Variants in PTBP3 observed in about 807,000 individuals in gnomAD.
PTBP3 encodes polypyrimidine tract-binding protein 3.
A neutral mutation model predicts 58.7 loss-of-function variants in PTBP3; 20 were observed. That is an observed-to-expected ratio of 0.34 (90% CI 0.24 to 0.50). The LOEUF is 0.50. PTBP3 is among the 20% of genes least tolerant of loss of function. PTBP3 has a pLI of 0.98. For synonymous variants in PTBP3, 185 were observed against 219.8 expected, an observed-to-expected ratio of 0.84 and a Z score of 1.40; for missense variants, 509 against 637.2, an observed-to-expected ratio of 0.80 and a Z score of 2.17.
chr9:112,320,682 A>C (rs542577337), intron 1 of PTBP3, among the ~76,000 whole-genome samples: 2 of 152,196 alleles, frequency 1.3e-5, no homozygotes, highest in African/African-American at 2.4e-5. Flanking sequence ...TGATATTAAC[A>C]TAAGAATGGA....
chr9:112,262,717 A>G, intron 4 of PTBP3, 118 bp from the exon 5 acceptor site: 1 of 898,944 alleles, frequency 1.1e-6, no homozygotes, highest in Non-Finnish European at 1.5e-6. Flanking sequence ...AGATTTATCT[A>G]CTCCGTCTGG....
intron 11 of PTBP3, 40 bp downstream of exon 11, chr9:112,228,340 C>A: frequency 1.4e-6 from 2 of 1,432,462 alleles, no homozygotes; most frequent in Non-Finnish European, 1.9e-6. Context: ...ACAAAAGGGG[C>A]AAGTTCACAT....
chr9:112,294,966 T>C (rs757026794), intron 2 of PTBP3, among the ~76,000 whole-genome samples: 1 of 152,106 alleles, frequency 6.6e-6, no homozygotes, highest in Admixed American at 6.5e-5. Flanking sequence ...AAGAAGTTAA[T>C]CTCAGGCTCA....
chr9:112,322,826 A>G lies in PTBP3; in HGVS notation c.-52+10644T>C, dbSNP rs148078514. On this transcript the variant is annotated intron_variant, in intron 1 of 13. Coordinates refer to ENST00000374257, the MANE Select transcript of PTBP3 (RefSeq NM_001163788.4). ...TCCACCTTTGTGTAATAAGATGGTG[A>G]GTTGTTTTTCAGTTGCTATGGACCC... 1.5e-3 allele frequency among the ~76,000 whole-genome samples: 227 copies of G among 152,358 alleles called. 1 individual carries two copies. The highest frequency in any genetic ancestry group is 5.2e-3 in the African/African-American group (218 of 41,580).
chr9:112,237,680 C>T (rs533700030), intron 7 of PTBP3, among the ~76,000 whole-genome samples: 1 of 152,286 alleles, frequency 6.6e-6, no homozygotes, highest in African/African-American at 2.4e-5. Context: ...TTGGTTTGAT[C>T]AGCTCATGGG....
intron 7 of PTBP3, among the ~76,000 whole-genome samples, chr9:112,247,204 T>C (rs558863782): frequency 2.0e-4 from 30 of 151,220 alleles, no homozygotes; most frequent in Non-Finnish European, 4.0e-4. Flanking sequence ...AGGTTGAGGT[T>C]GCAGTTAGCT....
chr9:112,316,614 T>C (rs1258352735), intron 1 of PTBP3, among the ~76,000 whole-genome samples: 1 of 152,198 alleles, frequency 6.6e-6, no homozygotes, highest in Non-Finnish European at 1.5e-5. Context: ...ATTTTAATAC[T>C]AACAAATAAA....
the PTBP3 span, among the ~76,000 whole-genome samples, chr9:112,355,026 T>A: frequency 1.3e-5 from 2 of 152,226 alleles, no homozygotes; most frequent in Non-Finnish European, 2.9e-5. Flanking sequence ...AGTTATTTAC[T>A]GGGCACCAGG....
At chr9:112,301,556 T>A in intron 1 of PTBP3, among the ~76,000 whole-genome samples, 1 of 152,012 alleles carries the variant, frequency 6.6e-6, no homozygotes, top group Non-Finnish European at 1.5e-5. Context: ...ATGACAAAAA[T>A]TATAGAGATG....
intron 7 of PTBP3, among the ~76,000 whole-genome samples, chr9:112,248,387 A>G (rs929267725): frequency 6.6e-6 from 1 of 152,150 alleles, no homozygotes; most frequent in African/African-American, 2.4e-5. Flanking sequence ...AGAATTGCAC[A>G]GGGATGGGGG....
rs1173909543 is a variant in PTBP3 at position 112,297,908 on chromosome 9, A to AG, written c.-44dup. On this transcript the variant is annotated 5_prime_UTR_variant, in exon 2 of 14. The change abolishes the stop of an existing upstream ORF in the 5' untranslated region. Coordinates refer to ENST00000374257, the MANE Select transcript of PTBP3 (RefSeq NM_001163788.4). ...TGATGCCAGAAGAAAGAAGCTCATCAGATCCCCGCTGAAAAGCAAAACCAA... is the reference window on the plus strand; with the variant it reads ...TGATGCCAGAAGAAAGAAGCTCATCAGGATCCCCGCTGAAAAGCAAAACCAA... The AG allele has an allele frequency of 6.2e-7, 1 of 1,612,202 alleles. No homozygotes were observed.
intron 2 of PTBP3, 88 bp downstream of exon 2, chr9:112,297,744 C>A: frequency 8.9e-7 from 1 of 1,117,506 alleles, no homozygotes; most frequent in South Asian, 1.6e-5. Context: ...AGTGGCACTT[C>A]AACATGATAT....
At chr9:112,261,146 A>G (rs1364729452) in intron 5 of PTBP3, among the ~76,000 whole-genome samples, 1 of 152,238 alleles carries the variant, frequency 6.6e-6, no homozygotes, top group Non-Finnish European at 1.5e-5. Context: ...GAAAATCCAC[A>G]AGAACAATGA....
At chr9:112,288,513 C>T (rs1470029401) in intron 2 of PTBP3, among the ~76,000 whole-genome samples, 1 of 152,030 alleles carries the variant, frequency 6.6e-6, no homozygotes, top group African/African-American at 2.4e-5. Flanking sequence ...TGCTTGGTTC[C>T]CCCAACCCCC....
chr9:112,257,829 A>G (rs1237025592), intron 5 of PTBP3, among the ~76,000 whole-genome samples: 2 of 151,828 alleles, frequency 1.3e-5, no homozygotes, highest in Non-Finnish European at 1.5e-5. Flanking sequence ...AATCCCAGCT[A>G]CTCAGAAGGC....
At chr9:112,321,543 G>C (rs1192165443) in intron 1 of PTBP3, among the ~76,000 whole-genome samples, 1 of 126,746 alleles carries the variant, frequency 7.9e-6, no homozygotes, top group Non-Finnish European at 1.7e-5. Context: ...AAAAAAAAAA[G>C]AAAGAAAGAA....
chr9:112,220,279 C>A lies in PTBP3; in HGVS notation c.*3572G>T. On this transcript the variant is annotated 3_prime_UTR_variant, in exon 14 of 14. Transcript: ENST00000374257. ...GATGGCACGGAGACACTGAAAAGAA[C>A]AGAGAGCCAGGCGTGGTGGCTCATG... 1 of 1,329,080 alleles carries A rather than the reference C, an allele frequency of 7.5e-7. No individual in the cohort carries two copies. Among genetic ancestry groups the A allele is most frequent in the South Asian group, 1.2e-5 (1 of 84,124 alleles). 82.3% of individuals were successfully genotyped at this position (1,329,080 alleles called of 1,614,324 possible).
chr9:112,222,186 C>T lies in PTBP3; in HGVS notation c.*1665G>A, dbSNP rs1317410636. 2.0e-6 allele frequency: 2 copies of T among 985,170 alleles called. No homozygotes were observed. Among genetic ancestry groups the T allele is most frequent in the Non-Finnish European group, 2.4e-6 (2 of 829,406 alleles). The allele number at this position is 985,170 out of a possible 1,614,324, so 61.0% of individuals were successfully genotyped here. On this transcript the variant is annotated 3_prime_UTR_variant, in exon 14 of 14. Coordinates refer to ENST00000374257, the MANE Select transcript of PTBP3 (RefSeq NM_001163788.4). The stretch of plus-strand genomic sequence containing the variant: ...AAAAGGGGTAGACAAAAAAATGACC[C>T]TTTTGACAAATTCTGCTTTAAAAAA...
chr9:112,311,556 T>C (rs915967672), intron 1 of PTBP3, among the ~76,000 whole-genome samples: 1 of 152,156 alleles, frequency 6.6e-6, no homozygotes, highest in African/African-American at 2.4e-5. Context: ...TGACTTTTTA[T>C]ACATGCAGGC....
Sources: allele counts gnomAD v4.1 joint callset (sites outside exome capture counted in the v4.1 genomes callset), GRCh38; gene constraint gnomAD v4.1.1; transcripts MANE v1.5; gene names NCBI Gene and HGNC (gene_info 2026-07-23, HGNC 2026-07-21).